Variants in UNC13B observed in about 807,000 individuals in gnomAD.
UNC13B encodes protein unc-13 homolog B.
A neutral mutation model predicts 211.0 loss-of-function variants in UNC13B; 144 were observed. The observed-to-expected ratio is 0.68, with a 90% CI of 0.60 to 0.78. The LOEUF is 0.78. Among genes scored for constraint, UNC13B ranks in the 30% least tolerant of loss-of-function variants. UNC13B has a pLI of 0.00. For synonymous variants in UNC13B, 709 were observed against 725.8 expected, an observed-to-expected ratio of 0.98 and a Z score of 0.37; for missense variants, 1,777 against 2,002.0, an observed-to-expected ratio of 0.89 and a Z score of 2.14.
chr9:35,304,889 C>T lies in UNC13B; in HGVS notation c.5485C>T (p.Gln1829Ter), dbSNP rs1829853453. The T allele has an allele frequency of 2.5e-6, 1 of 398,784 alleles. No homozygotes were observed. The highest frequency in any genetic ancestry group is 2.1e-5 in the African/African-American group (1 of 48,636). The allele number at this position is 398,784 out of a possible 1,614,324, so 24.7% of individuals were successfully genotyped here. A position where few individuals can be genotyped will look rare whatever the true frequency, so the allele number is the denominator to read the frequency against. Reference protein sequence around the residue: ...DSERQIVSNVQHPELIKNIRQ... With the variant: ...DSERQIVSNV ...AGAAAGACAGATAGTATCCAATGTT[C>T]AGCATCCAGAATTGATCAAAAATAT... Residue 1829 changes from glutamine (Q) to a stop codon, truncating the protein, a stop_gained, in exon 9 of 40, where the codon CAG becomes TAG. Transcript: ENST00000635942. LOFTEE classifies it high-confidence loss of function.
Position 35,378,344 on chromosome 9 carries a change from C to T in UNC13B, c.10113C>T (p.Asp3371=), listed in dbSNP as rs1332445035. 1.2e-5 allele frequency: 19 copies of T among 1,614,134 alleles called. No individual in the cohort carries two copies. Among genetic ancestry groups the T allele is most frequent in the Non-Finnish European group, 1.0e-5 (12 of 1,180,018 alleles). Reference sequence around the variant, plus strand: ...CCAAGGACAAAACAGGATCCAGTGACCCTTACGTGACTGTGCAAGTCAGCA... The same window carrying T: ...CCAAGGACAAAACAGGATCCAGTGATCCTTACGTGACTGTGCAAGTCAGCA... ...LQAKDKTGSS[D]PYVTVQVSKT... Residue 3371 remains aspartate (D), a synonymous_variant, in exon 17 of 40, where the codon GAC becomes GAT. Transcript: ENST00000635942.
intron 6 of UNC13B, among the ~76,000 whole-genome samples, chr9:35,249,220 C>G (rs1304295269): frequency 6.6e-6 from 1 of 152,146 alleles, no homozygotes; most frequent in African/African-American, 2.4e-5. Context: ...AGATCTTCCT[C>G]CATCCCTTTA....
intron 11 of UNC13B, among the ~76,000 whole-genome samples, chr9:35,325,784 A>G (rs1830972070): frequency 6.6e-6 from 1 of 152,170 alleles, no homozygotes; most frequent in Non-Finnish European, 1.5e-5. Flanking sequence ...TACTTTCTGT[A>G]GATTTGTCTG....
At chr9:35,210,917 AAAGAGATGG>A (rs1823932001) in intron 1 of UNC13B, among the ~76,000 whole-genome samples, 1 of 151,976 alleles carries the variant, frequency 6.6e-6, no homozygotes, top group Non-Finnish European at 1.5e-5. Flanking sequence ...TGTTTGTTTT[AAAGAGATGG>A]GGGTCTCTCT....
Position 35,382,435 on chromosome 9 carries a change from C to T in UNC13B, c.10734C>T (p.Asn3578=), listed in dbSNP as rs762390942. 2.1e-5 allele frequency: 34 copies of T among 1,614,108 alleles called. No homozygotes were observed. The highest frequency in any genetic ancestry group is 5.3e-5 in the African/African-American group (4 of 74,932). ...AVMSTLLANI[N]AYYAHTTAST... Reference sequence around the variant, plus strand: ...TGAGCACCTTACTGGCCAACATCAACGCCTACTATGCCCACACAACTGCCT... The same window carrying T: ...TGAGCACCTTACTGGCCAACATCAATGCCTACTATGCCCACACAACTGCCT... The change falls in exon 21 of 40, where the codon AAC becomes AAT. Residue 3578 remains asparagine, a synonymous_variant. Transcript: ENST00000635942.
intron 1 of UNC13B, among the ~76,000 whole-genome samples, chr9:35,210,698 A>C (rs1823920415): frequency 6.6e-6 from 1 of 151,622 alleles, no homozygotes; most frequent in Non-Finnish European, 1.5e-5. Context: ...TAATTTTTGT[A>C]TTTTTAGTAG....
rs1564200361 is a variant in UNC13B, at chr9:35,399,626, ATGC to A, written c.12256-17_12256-15del. 5 of 1,613,850 alleles carry A rather than the reference ATGC, an allele frequency of 3.1e-6. No homozygotes were observed. The South Asian group carries it at 5.5e-5, about 18-fold the overall frequency. ...TTCATGACTGCTGTGAGCTGTCCTG[ATGC>A]TGCTGATTTCTCTGAACAGGATCAC... On this transcript the variant is annotated intron_variant, in intron 35 of 39. Transcript: ENST00000635942.
intron 18 of UNC13B, 86 bp downstream of exon 18, chr9:35,380,725 T>G: frequency 6.4e-7 from 1 of 1,551,946 alleles, no homozygotes; most frequent in Non-Finnish European, 8.8e-7. Flanking sequence ...AACCACCATC[T>G]GTCCCCAAAG....
intron 7 of UNC13B, among the ~76,000 whole-genome samples, chr9:35,267,437 G>A (rs567451941): frequency 1.3e-5 from 2 of 152,332 alleles, no homozygotes; most frequent in South Asian, 2.1e-4. Context: ...CTTCACTGCA[G>A]TGTCTTTTTA....
At chr9:35,392,410 G>A (rs1835589648) in intron 26 of UNC13B, among the ~76,000 whole-genome samples, 1 of 152,088 alleles carries the variant, frequency 6.6e-6, no homozygotes, top group Admixed American at 6.6e-5. Context: ...GAAGGGAAGT[G>A]GAGAGAGGAG....
chr9:35,304,084 T>A lies in UNC13B; in HGVS notation c.4680T>A (p.Tyr1560Ter). 1 of 398,770 alleles carries A rather than the reference T, an allele frequency of 2.5e-6. No homozygotes were observed. The highest frequency in any genetic ancestry group is 4.4e-6 in the Non-Finnish European group (1 of 225,850). 24.7% of individuals were successfully genotyped at this position (398,770 alleles called of 1,614,324 possible). A position where few individuals can be genotyped will look rare whatever the true frequency, so the allele number is the denominator to read the frequency against. The change falls in exon 9 of 40, where the codon TAT (tyrosine) becomes TAA (stop). Residue 1560 changes from tyrosine (Y) to a stop codon, truncating the protein, a stop_gained. Coordinates refer to ENST00000635942, the MANE Select transcript of UNC13B (RefSeq NM_001371189.2). LOFTEE classifies it high-confidence loss of function. ...CATATTTATTTATACCTGATTCTTATCAAGAGTATTTGGATTGTGATTTAC... is the reference window on the plus strand; with the variant it reads ...CATATTTATTTATACCTGATTCTTAACAAGAGTATTTGGATTGTGATTTAC... Reference protein sequence around the residue: ...QYAYLFIPDSYQEYLDCDLQT... With the variant: ...QYAYLFIPDS
At position 35,344,596 on chromosome 9, in the gene UNC13B, C is replaced by T. The variant is rs7022446; in HGVS notation, c.9415-22351C>T. ...CTTCCAATGTAATGGAGTTCACACC[C>T]GCTGCGGATCTTTGAATAGGAGCCT... On this transcript the variant is annotated intron_variant, in intron 11 of 39. Coordinates refer to ENST00000635942, the MANE Select transcript of UNC13B (RefSeq NM_001371189.2). 4.9e-3 allele frequency among the ~76,000 whole-genome samples: 742 copies of T among 152,140 alleles called. 8 individuals carry two copies. The highest frequency in any genetic ancestry group is 0.017 in the African/African-American group (711 of 41,498).
Position 35,346,239 on chromosome 9 carries a change from T to C in UNC13B, c.9415-20708T>C, listed in dbSNP as rs143394678. Among the ~76,000 whole-genome samples the C allele has an allele frequency of 1.2e-4, 18 of 152,290 alleles. No individual in the cohort carries two copies. In the East Asian group the frequency reaches 3.1e-3, roughly 26 times the overall value. ...CTGTTGGGGGCTCAGAGCTCTTGGA[T>C]TTCTGCTTGCTGGGATTGTTTCACA... On this transcript the variant is annotated intron_variant, in intron 11 of 39. Coordinates refer to ENST00000635942, the MANE Select transcript of UNC13B (RefSeq NM_001371189.2).
chr9:35,261,674 C>T (rs965254044), intron 7 of UNC13B, among the ~76,000 whole-genome samples: 10 of 152,044 alleles, frequency 6.6e-5, no homozygotes, highest in African/African-American at 2.2e-4. Flanking sequence ...TTATTGTTGA[C>T]CATAGTCACC....
At chr9:35,401,955 T>A in intron 37 of UNC13B, 1 of 1,550,618 alleles carries the variant, frequency 6.4e-7, no homozygotes, top group Non-Finnish European at 8.7e-7. Context: ...ATTCAGTGCA[T>A]GATGGGAAAG....
rs757180304 is a variant in UNC13B at position 35,237,789 on chromosome 9, T to A, written c.357T>A (p.His119Gln). The change falls in exon 5 of 40, where the codon CAT becomes CAA. Residue 119 changes from histidine to glutamine, a missense_variant. Physicochemically the swap from His to Gln is conservative, Grantham distance 24 (BLOSUM62 0). Transcript: ENST00000635942. ...GTGGAACTAGAAACCCAACTCCTCA[T>A]AAAATTTTGCTTGATACAAGATTTG... is the stretch of plus-strand genomic sequence containing the variant. ...EICGTRNPTP[H>Q]KILLDTRFEL... is the part of the protein sequence containing the mutation. 25 of 1,613,706 alleles carry A rather than the reference T, an allele frequency of 1.5e-5. No individual in the cohort carries two copies. The highest frequency in any genetic ancestry group is 1.6e-4 in the Middle Eastern group (1 of 6,082).
chr9:35,247,613 A>T (rs1232082864), intron 6 of UNC13B, among the ~76,000 whole-genome samples: 1 of 152,148 alleles, frequency 6.6e-6, no homozygotes, highest in African/African-American at 2.4e-5. Context: ...TGAGATAATC[A>T]TGTGGTTTTT....
intron 7 of UNC13B, among the ~76,000 whole-genome samples, chr9:35,286,984 C>T (rs530902387): frequency 6.6e-6 from 1 of 152,274 alleles, no homozygotes; most frequent in East Asian, 1.9e-4. Flanking sequence ...GTGAGTTGTC[C>T]TGCCTCAGCC....
chr9:35,224,976 C>CA (rs1236665671), intron 1 of UNC13B, among the ~76,000 whole-genome samples: 1 of 151,254 alleles, frequency 6.6e-6, no homozygotes, highest in East Asian at 2.0e-4. Context: ...TGATAAAATT[C>CA]AACATCCCTT....
Sources: gnomAD v4.1 joint callset for allele counts (sites outside exome capture counted in the v4.1 genomes callset) on GRCh38, gnomAD v4.1.1 for gene constraint, MANE v1.5 for transcripts, NCBI Gene and HGNC (gene_info 2026-07-23, HGNC 2026-07-21) for gene names.